The following PCSK5 variants were observed in gnomAD, a reference collection of about 807,000 sequenced individuals.
PCSK5 encodes the protein prohormone convertase 5.
A neutral mutation model predicts 233.2 loss-of-function variants in PCSK5; 129 were observed. The ratio of observed to expected loss-of-function variants is 0.55; its 90% CI spans 0.48 to 0.64. The LOEUF is 0.64. Ranked by LOEUF, PCSK5 falls within the 30% of genes least tolerant of loss-of-function variation. The pLI is 0.00. For missense variants in PCSK5, 2,076 were observed against 2,430.1 expected (o/e 0.85, Z 3.06); for synonymous variants, 825 against 879.2 (o/e 0.94, Z 1.09).
intron 20 of PCSK5, among the ~76,000 whole-genome samples, chr9:76,214,724 G>C (rs925012445): frequency 6.6e-6 from 1 of 152,166 alleles, no homozygotes; most frequent in African/African-American, 2.4e-5. Context: ...AGTGTTAGCT[G>C]TTCTTATTAT....
intron 27 of PCSK5, among the ~76,000 whole-genome samples, chr9:76,297,697 G>T (rs1828483998): frequency 6.6e-6 from 1 of 152,224 alleles, no homozygotes; most frequent in Non-Finnish European, 1.5e-5. Context: ...AACAGGAGCT[G>T]CTCTTCATTT....
chr9:76,010,816 T>C (rs1411493232), intron 3 of PCSK5, among the ~76,000 whole-genome samples: 1 of 152,240 alleles, frequency 6.6e-6, no homozygotes, highest in African/African-American at 2.4e-5. Flanking sequence ...AATGTGGCTG[T>C]GGAAAGCTGC....
chr9:76,215,508 T>G (rs1213200528), intron 20 of PCSK5, among the ~76,000 whole-genome samples: 1 of 152,178 alleles, frequency 6.6e-6, no homozygotes, highest in African/African-American at 2.4e-5. Context: ...CACTGGTTGC[T>G]TGTTCCCTAG....
chr9:75,951,631 T>A (rs919424855), intron 2 of PCSK5, among the ~76,000 whole-genome samples: 1 of 152,118 alleles, frequency 6.6e-6, no homozygotes. Context: ...ATCCTTTGCT[T>A]TATGTATTAA....
At chr9:76,013,847 G>T (rs1827834194) in intron 3 of PCSK5, among the ~76,000 whole-genome samples, 1 of 151,668 alleles carries the variant, frequency 6.6e-6, no homozygotes, top group South Asian at 2.1e-4. Flanking sequence ...ATTAAAAGTT[G>T]TTTTTCAGTA....
At chr9:76,225,629 G>C (rs561474504) in intron 20 of PCSK5, among the ~76,000 whole-genome samples, 55 of 152,232 alleles carry the variant, frequency 3.6e-4, no homozygotes, top group Admixed American at 6.5e-4. Context: ...ATAAATAAGA[G>C]GTGAAGTGAA....
intron 24 of PCSK5, among the ~76,000 whole-genome samples, chr9:76,285,509 T>C (rs549882534): frequency 3.3e-5 from 5 of 152,102 alleles, no homozygotes; most frequent in Non-Finnish European, 7.4e-5. Context: ...AGTAGGTTCT[T>C]GCAGTAACAG....
At chr9:76,354,383 C>T (rs1457884252) in intron 37 of PCSK5, among the ~76,000 whole-genome samples, 164 bp downstream of exon 37, 1 of 152,218 alleles carries the variant, frequency 6.6e-6, no homozygotes, top group East Asian at 1.9e-4. Flanking sequence ...TGACCATTGT[C>T]TCACTTCACA....
chr9:76,246,817 C>A, intron 24 of PCSK5, among the ~76,000 whole-genome samples: 1 of 152,334 alleles, frequency 6.6e-6, no homozygotes, highest in East Asian at 1.9e-4. Flanking sequence ...AGGCAAGGCA[C>A]AAAGGTACAC....
intron 4 of PCSK5, 77 bp from the exon 5 acceptor site, chr9:76,026,884 A>T: frequency 1.1e-6 from 1 of 932,544 alleles, no homozygotes; most frequent in Non-Finnish European, 1.7e-6. Flanking sequence ...GTATTTAAAA[A>T]TGCATGAGCC....
rs1169238180 is a variant in PCSK5, at chr9:76,289,007, T to C, written c.3143-3226T>C. On this transcript the variant is annotated intron_variant, in intron 24 of 37. Transcript: ENST00000674117. ...AAGGCGATGTTGAAGCAGGAGGCAA[T>C]GTCTCCATGGGACAGTGAGTTCGTG... 2.0e-5 allele frequency among the ~76,000 whole-genome samples: 3 copies of C among 152,140 alleles called. No individual in the cohort carries two copies. The East Asian group carries it at 5.8e-4, about 29-fold the overall frequency.
At chr9:75,946,965 G>A (rs187337116) in intron 2 of PCSK5, among the ~76,000 whole-genome samples, 151 of 152,276 alleles carry the variant, frequency 9.9e-4, no homozygotes, top group African/African-American at 3.5e-3. Context: ...TTTGCAGATG[G>A]ACTTGAGATT....
At chr9:75,960,332 T>C (rs982682659) in intron 2 of PCSK5, among the ~76,000 whole-genome samples, 4 of 152,110 alleles carry the variant, frequency 2.6e-5, no homozygotes, top group African/African-American at 9.7e-5. Flanking sequence ...TAGGATTAGT[T>C]TGAAACAACC....
At chr9:76,245,931 C>T (rs559082998) in intron 24 of PCSK5, among the ~76,000 whole-genome samples, 145 of 152,062 alleles carry the variant, frequency 9.5e-4, no homozygotes, top group African/African-American at 2.1e-3. Flanking sequence ...AAAGTGATAG[C>T]CAGGAAATTA....
At chr9:76,015,308 A>G (rs1160405306) in intron 3 of PCSK5, among the ~76,000 whole-genome samples, 3 of 152,164 alleles carry the variant, frequency 2.0e-5, no homozygotes, top group African/African-American at 2.4e-5. Flanking sequence ...GTTTTCTTTT[A>G]CTAGCTCCAT....
chr9:75,947,343 G>A (rs1824622896), intron 2 of PCSK5, among the ~76,000 whole-genome samples: 1 of 152,146 alleles, frequency 6.6e-6, no homozygotes, highest in South Asian at 2.1e-4. Flanking sequence ...AGTCAGGATA[G>A]AAAATAGAAG....
intron 5 of PCSK5, among the ~76,000 whole-genome samples, chr9:76,063,557 T>C (rs1452714062): frequency 1.5e-5 from 1 of 68,310 alleles, no homozygotes; most frequent in Non-Finnish European, 2.8e-5. Context: ...CCTTCAAGCA[T>C]CTGTTTAACA....
intron 12 of PCSK5, among the ~76,000 whole-genome samples, chr9:76,166,282 CA>C (rs1475652790): frequency 6.6e-6 from 1 of 152,030 alleles, no homozygotes; most frequent in Non-Finnish European, 1.5e-5. Flanking sequence ...GTGAAGAGAC[CA>C]GGGGGTGGAA....
intron 1 of PCSK5, among the ~76,000 whole-genome samples, chr9:75,901,724 C>G (rs909917655): frequency 6.6e-6 from 1 of 151,676 alleles, no homozygotes; most frequent in Non-Finnish European, 1.5e-5. Flanking sequence ...TTTTGGAACA[C>G]TTTTAGGAAA....
Sources: allele counts gnomAD v4.1 joint callset (sites outside exome capture counted in the v4.1 genomes callset), GRCh38; gene constraint gnomAD v4.1.1; transcripts MANE v1.5; gene names NCBI Gene and HGNC (gene_info 2026-07-23, HGNC 2026-07-21).